Variants in CBFA2T3 observed in about 807,000 individuals in gnomAD.
The protein encoded by CBFA2T3 is transcriptional corepressor CBFA2T3.
A neutral mutation model predicts 58.6 loss-of-function variants in CBFA2T3; 31 were observed. The ratio of observed to expected loss-of-function variants is 0.53; its 90% confidence interval spans 0.40 to 0.71. CBFA2T3 has a LOEUF of 0.71. CBFA2T3 is among the 30% of genes least tolerant of loss of function. CBFA2T3 has a pLI of 0.00. For missense variants in CBFA2T3, 1,076 were observed against 963.1 expected, an observed-to-expected ratio of 1.12 and a Z score of -1.55; for synonymous variants, 531 against 421.9, an observed-to-expected ratio of 1.26 and a Z score of -3.17.
At chr16:88,915,298 C>T (rs1224865533) in intron 1 of CBFA2T3, among the ~76,000 whole-genome samples, 1 of 128,812 alleles carries the variant, frequency 7.8e-6, no homozygotes. Flanking sequence ...TGGGTGGTGG[C>T]CTCCTGCTCT....
At position 88,901,557 on chromosome 16, in the gene CBFA2T3, G is replaced by A. The variant is rs201395224; in HGVS notation, c.251C>T (p.Pro84Leu). 2.5e-4 allele frequency: 374 copies of A among 1,474,058 alleles called. No homozygotes were observed. Among genetic ancestry groups the A allele is most frequent in the Middle Eastern group, 2.1e-3 (12 of 5,646 alleles). The allele number at this position is 1,474,058 out of a possible 1,614,324, so 91.3% of individuals were successfully genotyped here. A position where few individuals can be genotyped will look rare whatever the true frequency, so the allele number is the denominator to read the frequency against. ...RSTPPSMPPP[P>L]PAASQGATRP... ...TGTGGCCCCCTGGGATGCGGCAGGC[G>A]GTGGGGGCGGCATGCTGGGGGGTGT... Residue 84 changes from proline to leucine, a missense_variant, in exon 2 of 12, where the codon CCG becomes CTG. By Grantham distance (98) the Pro-to-Leu change is moderately conservative. Transcript: ENST00000268679.
At chr16:88,939,501 C>A (rs1971632056) in intron 1 of CBFA2T3, 1 of 152,328 alleles carries the variant, frequency 6.6e-6, no homozygotes, top group Admixed American at 6.5e-5. Context: ...CTTTCTGTTT[C>A]CCTTTCAGTG....
intron 1 of CBFA2T3, among the ~76,000 whole-genome samples, chr16:88,948,388 T>A (rs1005980344): frequency 2.0e-5 from 3 of 152,064 alleles, no homozygotes; most frequent in African/African-American, 7.2e-5. Context: ...TGGGAGAGGG[T>A]GACTGTGCAG....
intron 1 of CBFA2T3, chr16:88,938,673 G>A (rs1232259534): frequency 1.3e-5 from 2 of 152,244 alleles, no homozygotes; most frequent in African/African-American, 4.8e-5. Context: ...CCAATAACAA[G>A]GCCCTGCTAG....
At chr16:88,886,251 G>T in intron 5 of CBFA2T3, 109 bp from the exon 6 acceptor site, 1 of 717,486 alleles carries the variant, frequency 1.4e-6, no homozygotes, top group Non-Finnish European at 2.1e-6. Flanking sequence ...ACTTGACCTC[G>T]GGCCTCAAAG....
chr16:88,898,451 C>T (rs1031962782), intron 2 of CBFA2T3, among the ~76,000 whole-genome samples: 1 of 152,242 alleles, frequency 6.6e-6, no homozygotes, highest in African/African-American at 2.4e-5. Context: ...AGGCCACTCC[C>T]CTCTCCGAGC....
chr16:88,878,123 C>CAT lies in CBFA2T3; in HGVS notation c.1663-850_1663-849dup, dbSNP rs1968912714. 4.6e-5 allele frequency among the ~76,000 whole-genome samples: 7 copies of CAT among 152,382 alleles called. No individual in the cohort carries two copies. The South Asian group carries it at 1.4e-3, about 32-fold the overall frequency. On this transcript the variant is annotated intron_variant, in intron 11 of 11. Transcript: ENST00000268679. Reference sequence around the variant, plus strand: ...CCCCCGATGCCTGCGTGGCCAGCTTCATTCCTCCCGGCATCTGCTCAGGTG... The same window carrying CAT: ...CCCCCGATGCCTGCGTGGCCAGCTTCATATTCCTCCCGGCATCTGCTCAGGTG...
At chr16:88,878,095 G>A (rs777253174) in intron 11 of CBFA2T3, among the ~76,000 whole-genome samples, 11 of 152,342 alleles carry the variant, frequency 7.2e-5, no homozygotes, top group Non-Finnish European at 1.3e-4. Context: ...CGCTGGGCCC[G>A]CTCCCCCGAT....
Position 88,877,121 on chromosome 16 carries a change from G to C in CBFA2T3, c.1817C>G (p.Pro606Arg). ...LQGPTAVVAD[P>R]VPGPPEAAHS... is the part of the protein sequence containing the mutation. ...GGCGGCTTCGGGCGGTCCAGGCACCGGGTCGGCCACCACGGCTGTGGGGCC... is the reference window on the plus strand; with the variant it reads ...GGCGGCTTCGGGCGGTCCAGGCACCCGGTCGGCCACCACGGCTGTGGGGCC... Residue 606 changes from proline to arginine, a missense_variant, in exon 12 of 12, where the codon CCG becomes CGG. Physicochemically the swap from Pro to Arg is moderately radical, Grantham distance 103. Coordinates refer to ENST00000268679, the MANE Select transcript of CBFA2T3 (RefSeq NM_005187.6). The C allele has an allele frequency of 6.5e-7, 1 of 1,548,156 alleles. No homozygotes were observed. The highest frequency in any genetic ancestry group is 8.7e-7 in the Non-Finnish European group (1 of 1,146,446).
intron 2 of CBFA2T3, among the ~76,000 whole-genome samples, chr16:88,898,834 G>A (rs909137132): frequency 2.0e-5 from 3 of 152,192 alleles, no homozygotes; most frequent in Non-Finnish European, 4.4e-5. Flanking sequence ...ACCAGCCTGG[G>A]CGACGTAGGG....
At chr16:88,898,455 T>C (rs1969974326) in intron 2 of CBFA2T3, among the ~76,000 whole-genome samples, 1 of 152,200 alleles carries the variant, frequency 6.6e-6, no homozygotes, top group African/African-American at 2.4e-5. Flanking sequence ...CACTCCCCTC[T>C]CCGAGCCTCA....
intron 1 of CBFA2T3, chr16:88,941,323 A>C: frequency 1.3e-5 from 3 of 230,554 alleles, no homozygotes; most frequent in Non-Finnish European, 2.1e-5. Flanking sequence ...TGTGGCTCCA[A>C]CGCCGCGCGC....
Position 88,894,194 on chromosome 16 carries a change from T to C in CBFA2T3, c.380-1709A>G, listed in dbSNP as rs538958987. ...ACACACACATGCATACATATACACA[T>C]GCACACAATGTACACACATGCACGC... On this transcript the variant is annotated intron_variant, in intron 3 of 11. Transcript: ENST00000268679. Among the ~76,000 whole-genome samples, 393 of 146,572 alleles carry C rather than the reference T, an allele frequency of 2.7e-3. 34 individuals are homozygous for C. The highest frequency in any genetic ancestry group is 7.2e-3 in the Middle Eastern group (2 of 278).
intron 2 of CBFA2T3, among the ~76,000 whole-genome samples, chr16:88,899,536 C>T (rs546395): frequency 0.037 from 5,691 of 152,228 alleles, 340 homozygotes; most frequent in African/African-American, 0.13. Flanking sequence ...GCAGGAAGGA[C>T]CCCAGCCCCA....
chr16:88,964,560 G>A (rs1033060480), intron 1 of CBFA2T3, among the ~76,000 whole-genome samples: 5 of 152,132 alleles, frequency 3.3e-5, no homozygotes, highest in East Asian at 1.9e-4. Flanking sequence ...AATGTCCCTC[G>A]TCCCCTCTGA....
At chr16:88,969,423 G>A (rs960075619) in intron 1 of CBFA2T3, among the ~76,000 whole-genome samples, 1 of 152,250 alleles carries the variant, frequency 6.6e-6, no homozygotes, top group Non-Finnish European at 1.5e-5. Flanking sequence ...GGCCAGCTGC[G>A]GGGGTCGCAA....
At chr16:88,952,264 G>A (rs1425092485) in intron 1 of CBFA2T3, among the ~76,000 whole-genome samples, 1 of 152,222 alleles carries the variant, frequency 6.6e-6, no homozygotes, top group Non-Finnish European at 1.5e-5. Flanking sequence ...CTGGAGCCAG[G>A]ACACCCGGGG....
At chr16:88,917,912 C>T (rs7201032) in intron 1 of CBFA2T3, among the ~76,000 whole-genome samples, 1 of 152,106 alleles carries the variant, frequency 6.6e-6, no homozygotes. Flanking sequence ...TCCCCTCTGT[C>T]CCTCCGGGGT....
intron 2 of CBFA2T3, among the ~76,000 whole-genome samples, chr16:88,898,382 C>A (rs1250218186): frequency 1.3e-5 from 2 of 152,200 alleles, no homozygotes; most frequent in Non-Finnish European, 1.5e-5. Context: ...GACGCCCGGG[C>A]CGCCGTTTCC....
Sources: gnomAD v4.1 joint callset for allele counts (sites outside exome capture counted in the v4.1 genomes callset) on GRCh38, gnomAD v4.1.1 for gene constraint, MANE v1.5 for transcripts, NCBI Gene and HGNC (gene_info 2026-07-23, HGNC 2026-07-21) for gene names.